VPS13C: variants seen among roughly 807,000 people sequenced by gnomAD.
The protein encoded by VPS13C is vacuolar protein sorting 13 homolog C, also known as intermembrane lipid transfer protein VPS13C.
A neutral mutation model predicts 456.8 loss-of-function variants in VPS13C; 358 were observed. That is an observed-to-expected ratio of 0.78 (90% confidence interval 0.72 to 0.86). The LOEUF is 0.86. Ranked by LOEUF, VPS13C falls within the 40% of genes least tolerant of loss-of-function variation. VPS13C has a pLI of 0.00. For missense variants in VPS13C, 4,818 were observed against 4,385.4 expected, an observed-to-expected ratio of 1.10 and a Z score of -2.79; for synonymous variants, 1,578 against 1,486.7, an observed-to-expected ratio of 1.06 and a Z score of -1.41.
chr15:62,028,399 A>C lies in VPS13C; in HGVS notation c.407T>G (p.Ile136Arg), dbSNP rs2047708279. Residue 136 changes from isoleucine (I) to arginine (R), a missense_variant, in exon 6 of 85, where the codon ATA becomes AGA. Physicochemically the swap from Ile to Arg is moderately conservative, Grantham distance 97 (BLOSUM62 -3). Transcript: ENST00000644861. ...AEKGTHSGEF[I>R]YGLENFVYKD... ...GTAAACAAAGTTCTCCAAGCCATAT[A>C]TGAACTCCCCTGAATGTGTGCCTGC... is the stretch of plus-strand genomic sequence containing the variant. The C allele has an allele frequency of 6.2e-7, 1 of 1,613,100 alleles. No homozygotes were observed. The highest frequency in any genetic ancestry group is 2.2e-5 in the East Asian group (1 of 44,836).
At chr15:61,964,555 A>C (rs1241090739) in intron 31 of VPS13C, 144 bp downstream of exon 31, 4 of 750,908 alleles carry the variant, frequency 5.3e-6, no homozygotes, top group Non-Finnish European at 2.1e-6. Context: ...TGCCTTATAC[A>C]TCAGGTGCTC....
Position 61,881,804 on chromosome 15 carries a change from T to C in VPS13C, c.9649A>G (p.Met3217Val), listed in dbSNP as rs368090156. ...LQVDNQLPGA[M>V]FPVVFHPVAP... ...ACAGGATGAAATACAACAGGGAACATTGCACCTGGTAACTGATTATCAACC... is the reference window on the plus strand; with the variant it reads ...ACAGGATGAAATACAACAGGGAACACTGCACCTGGTAACTGATTATCAACC... The change falls in exon 70 of 85, where the codon ATG (methionine) becomes GTG (valine). Residue 3217 changes from methionine to valine, a missense_variant. By Grantham distance (21) the Met-to-Val change is conservative. Transcript: ENST00000644861. The C allele has an allele frequency of 1.0e-5, 16 of 1,600,694 alleles. No individual in the cohort carries two copies. In the African/African-American group the frequency reaches 1.1e-4, roughly 11 times the overall value.
intron 65 of VPS13C, among the ~76,000 whole-genome samples, chr15:61,907,713 T>C (rs1023230374): frequency 6.6e-6 from 1 of 152,156 alleles, no homozygotes; most frequent in African/African-American, 2.4e-5. Context: ...GGAAATATGT[T>C]TAGTAGCAGA....
chr15:62,033,907 G>T (rs2047901492), intron 4 of VPS13C, among the ~76,000 whole-genome samples: 1 of 150,976 alleles, frequency 6.6e-6, no homozygotes, highest in African/African-American at 2.4e-5. Flanking sequence ...ATACTACCTG[G>T]GATCAATATA....
intron 49 of VPS13C, among the ~76,000 whole-genome samples, 196 bp from the exon 50 acceptor site, chr15:61,931,455 T>C (rs1308700676): frequency 1.3e-5 from 2 of 152,194 alleles, no homozygotes; most frequent in Non-Finnish European, 2.9e-5. Context: ...AATAAATAGA[T>C]ATATGTGTGA....
chr15:61,866,265 A>T lies in VPS13C; in HGVS notation c.10863+2394T>A, dbSNP rs915996604. The stretch of plus-strand genomic sequence containing the variant: ...TTTCTTCCAGTAATTATAATAATGC[A>T]CTAAAGTTTTAAAAGTTGTCTGATA... On this transcript the variant is annotated intron_variant, in intron 81 of 84. Coordinates refer to ENST00000644861, the MANE Select transcript of VPS13C (RefSeq NM_020821.3). 3 of 984,338 alleles carry T rather than the reference A, an allele frequency of 3.0e-6. No individual in the cohort carries two copies. In the African/African-American group the frequency reaches 5.2e-5, roughly 17 times the overall value. The allele number at this position is 984,338 out of a possible 1,614,324, so 61.0% of individuals were successfully genotyped here. A position where few individuals can be genotyped will look rare whatever the true frequency, so the allele number is the denominator to read the frequency against.
intron 44 of VPS13C, 95 bp downstream of exon 44, chr15:61,946,212 G>A (rs1180440758): frequency 6.1e-6 from 6 of 980,114 alleles, no homozygotes; most frequent in Non-Finnish European, 8.9e-6. Flanking sequence ...CCTGGTACAT[G>A]ACAGATAATA....
chr15:61,882,255 T>A (rs1730944422), intron 69 of VPS13C, among the ~76,000 whole-genome samples: 1 of 152,088 alleles, frequency 6.6e-6, no homozygotes, highest in African/African-American at 2.4e-5. Flanking sequence ...CAAGCAAGCA[T>A]CCAAAAGGAA....
At chr15:62,042,783 G>A (rs1244202686) in intron 2 of VPS13C, among the ~76,000 whole-genome samples, 1 of 151,992 alleles carries the variant, frequency 6.6e-6, no homozygotes, top group East Asian at 1.9e-4. Flanking sequence ...ATTACAGGGG[G>A]AAGGGATAGC....
At chr15:61,878,583 A>G (rs1290697539) in intron 74 of VPS13C, 24 bp downstream of exon 74, 16 of 1,602,508 alleles carry the variant, frequency 1.0e-5, no homozygotes, top group African/African-American at 1.3e-5. Flanking sequence ...CCTGCTTCTC[A>G]ATGTACTCTA....
At chr15:62,001,172 A>C (rs1352850080) in intron 15 of VPS13C, among the ~76,000 whole-genome samples, 1 of 152,232 alleles carries the variant, frequency 6.6e-6, no homozygotes, top group Non-Finnish European at 1.5e-5. Context: ...TGTCTCATAC[A>C]ATTCTCACCA....
chr15:61,976,318 A>G (rs28654580), intron 24 of VPS13C, among the ~76,000 whole-genome samples: 10,234 of 152,120 alleles, frequency 0.067, 681 homozygotes, highest in African/African-American at 0.17. Flanking sequence ...AAGGGTATCA[A>G]TAAACTGATA....
At chr15:61,944,727 T>A (rs1292427596) in intron 45 of VPS13C, among the ~76,000 whole-genome samples, 2 of 152,104 alleles carry the variant, frequency 1.3e-5, no homozygotes, top group Non-Finnish European at 2.9e-5. Flanking sequence ...CATCATGCAA[T>A]ATACTCATGT....
In VPS13C at chr15:62,052,781, A is replaced by C. The variant is rs1304926684; in HGVS notation, c.100+7494T>G. On this transcript the variant is annotated intron_variant, in intron 1 of 84. Coordinates refer to ENST00000644861, the MANE Select transcript of VPS13C (RefSeq NM_020821.3). ...TAACCAATCTAGACTCCTTTTAATG[A>C]GTTCACAGTGACTTTGTCTTCAGAG... Among the ~76,000 whole-genome samples, 5 of 152,084 alleles carry C rather than the reference A, an allele frequency of 3.3e-5. No homozygotes were observed. In the South Asian group the frequency reaches 1.0e-3, roughly 32 times the overall value.
intron 66 of VPS13C, among the ~76,000 whole-genome samples, chr15:61,893,418 T>C (rs969739981): frequency 6.6e-6 from 1 of 151,998 alleles, no homozygotes; most frequent in Non-Finnish European, 1.5e-5. Context: ...AGAGATAAAG[T>C]TTTTATCAGA....
chr15:61,907,534 C>A (rs545647254), intron 65 of VPS13C, 144 bp from the exon 66 acceptor site: 14 of 1,090,804 alleles, frequency 1.3e-5, no homozygotes, highest in Non-Finnish European at 1.7e-5. Context: ...AAAACAAGTA[C>A]CCTAAAATAT....
At chr15:61,934,738 CTTTAT>C (rs541420213) in intron 48 of VPS13C, among the ~76,000 whole-genome samples, 242 of 152,038 alleles carry the variant, frequency 1.6e-3, no homozygotes, top group African/African-American at 5.4e-3. Context: ...CTCTCACTAA[CTTTAT>C]TTTATTTTAT....
At chr15:62,014,129 C>A in intron 9 of VPS13C, 137 bp from the exon 10 acceptor site, 1 of 498,318 alleles carries the variant, frequency 2.0e-6, no homozygotes, top group Non-Finnish European at 3.6e-6. Context: ...CTATCTATTT[C>A]TTTACATATA....
At chr15:61,973,005 T>G (rs1399339101) in intron 26 of VPS13C, among the ~76,000 whole-genome samples, 1 of 152,180 alleles carries the variant, frequency 6.6e-6, no homozygotes, top group African/African-American at 2.4e-5. Context: ...TCCCTATAGT[T>G]CATTCACTCA....
Sources: allele counts gnomAD v4.1 joint callset (sites outside exome capture counted in the v4.1 genomes callset), GRCh38; gene constraint gnomAD v4.1.1; transcripts MANE v1.5; gene names NCBI Gene and HGNC (gene_info 2026-07-23, HGNC 2026-07-21).